The following PTPRT variants were observed in gnomAD, a reference collection of about 807,000 sequenced individuals.
PTPRT encodes the protein protein tyrosine phosphatase receptor type T, also known as receptor-type tyrosine-protein phosphatase T.
Under a neutral mutation model 176.8 loss-of-function variants are expected in PTPRT, and 56 were observed. The ratio of observed to expected loss-of-function variants is 0.32; its 90% confidence interval spans 0.26 to 0.40. PTPRT has a LOEUF of 0.40. Among genes scored for constraint, PTPRT ranks in the 10% least tolerant of loss-of-function variants. PTPRT has a pLI of 1.00. For synonymous variants in PTPRT, 783 were observed against 739.0 expected (o/e 1.06, Z -0.96); for missense variants, 1,540 against 1,908.2 (o/e 0.81, Z 3.60).
At chr20:43,160,931 A>AAT in intron 1 of PTPRT, among the ~76,000 whole-genome samples, 1 of 151,942 alleles carries the variant, frequency 6.6e-6, no homozygotes, top group Non-Finnish European at 1.5e-5. Flanking sequence ...AAAAAAAAAA[A>AAT]AACGTAGAGA....
chr20:42,173,667 C>T (rs1051617140), intron 16 of PTPRT, among the ~76,000 whole-genome samples: 7 of 151,872 alleles, frequency 4.6e-5, no homozygotes, highest in African/African-American at 1.7e-4. Flanking sequence ...CTGTGGCTGG[C>T]CTTAACCACT....
chr20:42,590,854 CTTA>C (rs968449920), intron 7 of PTPRT, among the ~76,000 whole-genome samples: 2 of 151,670 alleles, frequency 1.3e-5, no homozygotes, highest in African/African-American at 4.8e-5. Flanking sequence ...AATTGATTGG[CTTA>C]TTGACAGACC....
intron 7 of PTPRT, among the ~76,000 whole-genome samples, chr20:42,490,356 T>C (rs1283566094): frequency 6.6e-6 from 1 of 152,174 alleles, no homozygotes; most frequent in African/African-American, 2.4e-5. Context: ...TTCCCATCCA[T>C]GGCCATAGAC....
At chr20:42,562,061 T>C (rs6030329) in intron 7 of PTPRT, among the ~76,000 whole-genome samples, 3 of 152,314 alleles carry the variant, frequency 2.0e-5, no homozygotes, top group Non-Finnish European at 4.4e-5. Context: ...TGGGTTTCAG[T>C]TGCTTCGTCT....
chr20:43,083,541 T>C (rs967586731), intron 1 of PTPRT, among the ~76,000 whole-genome samples: 3 of 151,168 alleles, frequency 2.0e-5, no homozygotes, highest in South Asian at 2.1e-4. Flanking sequence ...TGTATTTTAA[T>C]AGGGACGGGG....
chr20:42,323,350 G>A (rs1456529505), intron 11 of PTPRT, among the ~76,000 whole-genome samples: 6 of 151,994 alleles, frequency 3.9e-5, no homozygotes, highest in Admixed American at 6.6e-5. Context: ...GCAAAGACTC[G>A]GAACCAACCC....
Position 42,102,389 on chromosome 20 carries a change from CT to C in PTPRT, c.3541-93del, listed in dbSNP as rs1276541949. Reference sequence around the variant, plus strand: ...AATGTTCCAACTCAGCCTAACTCGCCTATTTCCACCCTCTAAGCGCAGCCCC... The same window carrying C: ...AATGTTCCAACTCAGCCTAACTCGCCATTTCCACCCTCTAAGCGCAGCCCC... On this transcript the variant is annotated intron_variant, in intron 25 of 30. Transcript: ENST00000373187. 6 of 1,362,584 alleles carry C rather than the reference CT, an allele frequency of 4.4e-6. No homozygotes were observed. The African/African-American group carries it at 5.7e-5, about 13-fold the overall frequency. 84.4% of individuals were successfully genotyped at this position (1,362,584 alleles called of 1,614,324 possible).
At chr20:42,739,469 T>C (rs2076577290) in intron 6 of PTPRT, among the ~76,000 whole-genome samples, 1 of 151,958 alleles carries the variant, frequency 6.6e-6, no homozygotes, top group South Asian at 2.1e-4. Context: ...AGTTACCTGT[T>C]TGTGACCTTT....
At position 42,648,820 on chromosome 20, in the gene PTPRT, G is replaced by GTTGTTTTTTTTTTTTTTTTTT. The variant is rs1310734163; in HGVS notation, c.1153+29045_1153+29046insAAAAAAAAAAAAAAAAAACAA. On this transcript the variant is annotated intron_variant, in intron 7 of 30. Transcript: ENST00000373187. Reference sequence around the variant, plus strand: ...GGGGATTTTTTTTTTTGGTGTCGTTGTTTTTTTTTTTTTTTTTTGACAGAG... The same window carrying GTTGTTTTTTTTTTTTTTTTTT: ...GGGGATTTTTTTTTTTGGTGTCGTTGTTGTTTTTTTTTTTTTTTTTTTTTTTTTTTTTTTTTTTTGACAGAG... Among the ~76,000 whole-genome samples the GTTGTTTTTTTTTTTTTTTTTT allele has an allele frequency of 2.1e-3, 233 of 111,820 alleles. 9 individuals carry two copies. The highest frequency in any genetic ancestry group is 8.1e-3 in the African/African-American group (218 of 26,866). The allele number at this position is 111,820 out of a possible 152,430, so 73.4% of individuals were successfully genotyped here.
At chr20:43,040,476 A>C (rs944547337) in intron 1 of PTPRT, among the ~76,000 whole-genome samples, 1 of 152,214 alleles carries the variant, frequency 6.6e-6, no homozygotes, top group Non-Finnish European at 1.5e-5. Flanking sequence ...ACGAAATTAT[A>C]ACAGCCAATA....
At chr20:42,532,321 T>TGTCA (rs1326380604) in intron 7 of PTPRT, among the ~76,000 whole-genome samples, 1 of 152,174 alleles carries the variant, frequency 6.6e-6, no homozygotes, top group African/African-American at 2.4e-5. Context: ...CAAAGTGGGA[T>TGTCA]GTCAGTGCAT....
intron 1 of PTPRT, among the ~76,000 whole-genome samples, chr20:43,012,003 C>T (rs542691032): frequency 1.5e-3 from 232 of 152,310 alleles, no homozygotes; most frequent in African/African-American, 5.3e-3. Flanking sequence ...GCTAGGGGCT[C>T]TCAGGCCTTC....
intron 1 of PTPRT, among the ~76,000 whole-genome samples, chr20:43,106,184 T>G (rs749250783): frequency 6.6e-6 from 1 of 152,166 alleles, no homozygotes; most frequent in Non-Finnish European, 1.5e-5. Context: ...GCTACCTAAC[T>G]TCTGGGTTCC....
chr20:42,123,271 T>C (rs1987680243), intron 19 of PTPRT, among the ~76,000 whole-genome samples: 1 of 152,236 alleles, frequency 6.6e-6, no homozygotes, highest in African/African-American at 2.4e-5. Context: ...ATTTTAGTTG[T>C]GGAGTTAGAT....
the PTPRT span, among the ~76,000 whole-genome samples, chr20:42,060,380 G>A: frequency 6.6e-6 from 1 of 152,152 alleles, no homozygotes; most frequent in Non-Finnish European, 1.5e-5. Flanking sequence ...GAGGGGGAAA[G>A]GATTAATGCT....
intron 9 of PTPRT, among the ~76,000 whole-genome samples, chr20:42,357,600 A>T (rs1037034669): frequency 6.6e-6 from 1 of 152,186 alleles, no homozygotes; most frequent in African/African-American, 2.4e-5. Flanking sequence ...AGGCTCCAGA[A>T]TGTCCATGAG....
chr20:42,098,914 C>A lies in PTPRT; in HGVS notation c.3715-362G>T, dbSNP rs115146584. 6.8e-3 allele frequency among the ~76,000 whole-genome samples: 1,041 copies of A among 152,342 alleles called. 16 individuals carry two copies. Among genetic ancestry groups the A allele is most frequent in the African/African-American group, 0.024 (996 of 41,586 alleles). On this transcript the variant is annotated intron_variant, in intron 26 of 30. Transcript: ENST00000373187. The stretch of plus-strand genomic sequence containing the variant: ...ACCTCTTGGGATATAAGGGATTGGC[C>A]GCATCCCTGTGGCCACGATGCTGGG...
At chr20:42,603,637 G>C (rs1278789454) in intron 7 of PTPRT, among the ~76,000 whole-genome samples, 2 of 152,186 alleles carry the variant, frequency 1.3e-5, no homozygotes, top group African/African-American at 4.8e-5. Context: ...GGCATGATGT[G>C]ATTTATGTTT....
At chr20:42,755,373 G>C (rs778703185) in intron 6 of PTPRT, among the ~76,000 whole-genome samples, 30 of 152,118 alleles carry the variant, frequency 2.0e-4, no homozygotes, top group African/African-American at 7.0e-4. Flanking sequence ...TCAAAGGCTC[G>C]ATCAGTGGGG....
Sources: allele counts gnomAD v4.1 joint callset (sites outside exome capture counted in the v4.1 genomes callset), GRCh38; gene constraint gnomAD v4.1.1; transcripts MANE v1.5; gene names NCBI Gene and HGNC (gene_info 2026-07-23, HGNC 2026-07-21).